TSPYL5: variants seen among roughly 807,000 people sequenced by gnomAD.
TSPYL5 encodes the protein testis-specific Y-encoded-like protein 5.
For synonymous variants in TSPYL5, 276 were observed against 236.1 expected, an observed-to-expected ratio of 1.17 and a Z score of -1.55; for missense variants, 556 against 555.5, an observed-to-expected ratio of 1.00 and a Z score of -0.01.
chr8:97,276,806 T>G lies in TSPYL5; in HGVS notation c.1039A>C (p.Asn347His). 1 of 1,614,178 alleles carries G rather than the reference T, an allele frequency of 6.2e-7. No homozygotes were observed. Among genetic ancestry groups the G allele is most frequent in the South Asian group, 1.1e-5 (1 of 91,086 alleles). The change falls in exon 1 of 1, where the codon AAC (asparagine) becomes CAC (histidine). Residue 347 changes from asparagine (N) to histidine (H), a missense_variant. Transcript: ENST00000322128. ...GAAAACCACCCAAAGAAACTACGGT[T>G]GTTTTCTGGGTTTCCCTGGCTTAGG... ...QSLSQGNPENNRSFFGWFSNH... is the reference protein window; with the variant it reads ...QSLSQGNPENHRSFFGWFSNH...
In TSPYL5 at chr8:97,277,835, G is replaced by C. The variant is rs968280885; in HGVS notation, c.10C>G (p.Arg4Gly). ...CGGGAGGACTTTCGACCCCGACTTC[G>C]GCCGCTCATGGTGGCGGCGGAGGCA... MSG[R>G]SRGRKSSRAK... The change falls in exon 1 of 1, where the codon CGA (arginine) becomes GGA (glycine). Residue 4 changes from arginine to glycine, a missense_variant. Coordinates refer to ENST00000322128, the MANE Select transcript of TSPYL5 (RefSeq NM_033512.3). This position sits in a 1 kb window ranked among gnomAD's most constrained non-coding sequence, Gnocchi z 4.5. The C allele has an allele frequency of 2.1e-6, 3 of 1,445,822 alleles. No individual in the cohort carries two copies. The highest frequency in any genetic ancestry group is 2.7e-6 in the Non-Finnish European group (3 of 1,102,864). 89.6% of individuals were successfully genotyped at this position (1,445,822 alleles called of 1,614,324 possible). A position where few individuals can be genotyped will look rare whatever the true frequency, so the allele number is the denominator to read the frequency against.
At position 97,277,900 on chromosome 8, in the gene TSPYL5, A is replaced by T. The variant is rs1810562435; in HGVS notation, c.-56T>A. 7.5e-7 allele frequency: 1 copy of T among 1,335,866 alleles called. No individual in the cohort carries two copies. Among genetic ancestry groups the T allele is most frequent in the Non-Finnish European group, 9.6e-7 (1 of 1,044,530 alleles). 82.8% of individuals were successfully genotyped at this position (1,335,866 alleles called of 1,614,324 possible). On this transcript the variant is annotated 5_prime_UTR_variant, in exon 1 of 1. Coordinates refer to ENST00000322128, the MANE Select transcript of TSPYL5 (RefSeq NM_033512.3). The surrounding 1 kb of genome is among the most constrained non-coding windows in gnomAD (Gnocchi z 4.5). ...CTGTGACCCTGCGGCTCCTGACGCC[A>T]GCTCTCGGTCGGGACCGAGCGGGTC...
At position 97,277,411 on chromosome 8, in the gene TSPYL5, G is replaced by T. The variant is rs769996067; in HGVS notation, c.434C>A (p.Ala145Asp). 1.3e-6 allele frequency: 2 copies of T among 1,571,062 alleles called. No homozygotes were observed. The highest frequency in any genetic ancestry group is 1.2e-5 in the South Asian group (1 of 83,318). ...ACAGGTTTCTGGGGCCTTCTTCCCG[G>T]CAGGGCCACGCCGGTTTCCAACGCG... ...APRVGNRRGP[A>D]GKKAPETCST... The change falls in exon 1 of 1, where the codon GCC becomes GAC. Residue 145 changes from alanine (A) to aspartate (D), a missense_variant. Transcript: ENST00000322128. The surrounding 1 kb of genome is among the most constrained non-coding windows in gnomAD (Gnocchi z 4.5).
Position 97,276,294 on chromosome 8 carries a change from G to C in TSPYL5, c.*297C>G. The C allele has an allele frequency of 3.0e-6, 1 of 331,504 alleles. No individual in the cohort carries two copies. The highest frequency in any genetic ancestry group is 8.3e-4 in the Middle Eastern group (1 of 1,200). The allele number at this position is 331,504 out of a possible 1,614,324, so 20.5% of individuals were successfully genotyped here. A position where few individuals can be genotyped will look rare whatever the true frequency, so the allele number is the denominator to read the frequency against. ...GAGTGTCCATGTTAAAGACAAGTAG[G>C]AAAGGCCAGAGCCAAGAACAAGGTC... On this transcript the variant is annotated 3_prime_UTR_variant, in exon 1 of 1. Coordinates refer to ENST00000322128, the MANE Select transcript of TSPYL5 (RefSeq NM_033512.3).
chr8:97,276,588 G>A lies in TSPYL5; in HGVS notation c.*3C>T. The A allele has an allele frequency of 6.2e-7, 1 of 1,611,252 alleles. No homozygotes were observed. Among genetic ancestry groups the A allele is most frequent in the Non-Finnish European group, 8.5e-7 (1 of 1,178,556 alleles). On this transcript the variant is annotated 3_prime_UTR_variant, in exon 1 of 1. Transcript: ENST00000322128. Reference sequence around the variant, plus strand: ...AGGAGGTAGCAGGGAGACTTGTGCAGGATCAGTTGGATTGGCTCACCCCAG... The same window carrying A: ...AGGAGGTAGCAGGGAGACTTGTGCAAGATCAGTTGGATTGGCTCACCCCAG...
In TSPYL5 at chr8:97,275,943, A is replaced by G. The variant is rs1041878862; in HGVS notation, c.*648T>C. On this transcript the variant is annotated 3_prime_UTR_variant, in exon 1 of 1. Coordinates refer to ENST00000322128, the MANE Select transcript of TSPYL5 (RefSeq NM_033512.3). ...AGAGACACATGATGGTACAGAACAC[A>G]TGGCATACTGTTTCTTGCCCTTAAC... 1 of 152,864 alleles carries G rather than the reference A, an allele frequency of 6.5e-6. No individual in the cohort carries two copies. Among genetic ancestry groups the G allele is most frequent in the African/African-American group, 2.4e-5 (1 of 41,458 alleles). 9.5% of individuals were successfully genotyped at this position (152,864 alleles called of 1,614,324 possible). A position where few individuals can be genotyped will look rare whatever the true frequency, so the allele number is the denominator to read the frequency against.
rs1241897792 is a variant in TSPYL5, at chr8:97,277,192, T to A, written c.653A>T (p.Gln218Leu). ...GAGCCGAAGGTAGGCCCTGTCCGCCTGGGCGTTCATGTTCTCCAGCTTCAG... is the reference window on the plus strand; with the variant it reads ...GAGCCGAAGGTAGGCCCTGTCCGCCAGGGCGTTCATGTTCTCCAGCTTCAG... ...VQLKLENMNAQADRAYLRLSR... is the reference protein window; with the variant it reads ...VQLKLENMNALADRAYLRLSR... Residue 218 changes from glutamine (Q) to leucine (L), a missense_variant, in exon 1 of 1, where the codon CAG (glutamine) becomes CTG (leucine). Coordinates refer to ENST00000322128, the MANE Select transcript of TSPYL5 (RefSeq NM_033512.3). The surrounding 1 kb of genome is among the most constrained non-coding windows in gnomAD (Gnocchi z 4.5). 2 of 1,612,738 alleles carry A rather than the reference T, an allele frequency of 1.2e-6. No individual in the cohort carries two copies. Among genetic ancestry groups the A allele is most frequent in the Non-Finnish European group, 1.7e-6 (2 of 1,180,044 alleles).
rs200781308 is a variant in TSPYL5 at position 97,277,629 on chromosome 8, C to A, written c.216G>T (p.Arg72=). 1.1e-3 allele frequency: 1,575 copies of A among 1,447,300 alleles called. 18 individuals carry two copies. The East Asian group carries it at 0.021, about 20-fold the overall frequency. 89.7% of individuals were successfully genotyped at this position (1,447,300 alleles called of 1,614,324 possible). The change falls in exon 1 of 1, where the codon CGG becomes CGT. Residue 72 remains arginine (R), a synonymous_variant. Transcript: ENST00000322128. This position sits in a 1 kb window ranked among gnomAD's most constrained non-coding sequence, Gnocchi z 4.5. ...GCCGGCAGGCGGCCTCCTCCCCGAG[C>A]CGGAGGAGCTGCGCGGACGCAGCGG... is the stretch of plus-strand genomic sequence containing the variant. ...LEAAASAQLL[R]LGEEAACRLP...
In TSPYL5 at chr8:97,276,301, C is replaced by A; in HGVS notation, c.*290G>T. On this transcript the variant is annotated 3_prime_UTR_variant, in exon 1 of 1. Transcript: ENST00000322128. Reference sequence around the variant, plus strand: ...CATGTTAAAGACAAGTAGGAAAGGCCAGAGCCAAGAACAAGGTCCAGGCAA... The same window carrying A: ...CATGTTAAAGACAAGTAGGAAAGGCAAGAGCCAAGAACAAGGTCCAGGCAA... The A allele has an allele frequency of 2.8e-6, 1 of 351,952 alleles. No individual in the cohort carries two copies. Among genetic ancestry groups the A allele is most frequent in the East Asian group, 5.1e-5 (1 of 19,562 alleles). 21.8% of individuals were successfully genotyped at this position (351,952 alleles called of 1,614,324 possible). A position where few individuals can be genotyped will look rare whatever the true frequency, so the allele number is the denominator to read the frequency against.
Position 97,276,921 on chromosome 8 carries a change from C to G in TSPYL5, c.924G>C (p.Val308=). 6.2e-7 allele frequency: 1 copy of G among 1,614,184 alleles called. No individual in the cohort carries two copies. Among genetic ancestry groups the G allele is most frequent in the Non-Finnish European group, 8.5e-7 (1 of 1,180,040 alleles). ...FDRNPYFQNK[V]LIKEYGCGPS... The stretch of plus-strand genomic sequence containing the variant: ...GACCACACCCATATTCCTTGATGAG[C>G]ACCTTATTTTGGAAATACGGGTTGC... Residue 308 remains valine (V), a synonymous_variant, in exon 1 of 1, where the codon GTG becomes GTC. Transcript: ENST00000322128.
In TSPYL5 at chr8:97,277,499, G is replaced by A. The variant is rs1810547095; in HGVS notation, c.346C>T (p.Leu116=). The change falls in exon 1 of 1, where the codon CTG becomes TTG. Residue 116 remains leucine (L), a synonymous_variant. Coordinates refer to ENST00000322128, the MANE Select transcript of TSPYL5 (RefSeq NM_033512.3). The surrounding 1 kb of genome is among the most constrained non-coding windows in gnomAD (Gnocchi z 4.5). ...PGKAASLSER[L]AADTVFVGTA... ...CCCACGAAGACAGTGTCTGCGGCCA[G>A]GCGCTCCGAGAGAGATGCGGCCTTC... 6 of 1,520,378 alleles carry A rather than the reference G, an allele frequency of 3.9e-6. No individual in the cohort carries two copies. Among genetic ancestry groups the A allele is most frequent in the East Asian group, 2.3e-5 (1 of 43,832 alleles). The allele number at this position is 1,520,378 out of a possible 1,614,324, so 94.2% of individuals were successfully genotyped here.
Position 97,277,199 on chromosome 8 carries a change from T to TCATGTTCTCCAGCTTCAGCTG in TSPYL5, c.625_645dup (p.Gln209_Met215dup). The TCATGTTCTCCAGCTTCAGCTG allele has an allele frequency of 6.2e-7, 1 of 1,612,812 alleles. No homozygotes were observed. Among genetic ancestry groups the TCATGTTCTCCAGCTTCAGCTG allele is most frequent in the East Asian group, 2.2e-5 (1 of 44,792 alleles). On this transcript the variant is annotated inframe_insertion, in exon 1 of 1. Transcript: ENST00000322128. The surrounding 1 kb of genome is among the most constrained non-coding windows in gnomAD (Gnocchi z 4.5). ...AGGTAGGCCCTGTCCGCCTGGGCGT[T>TCATGTTCTCCAGCTTCAGCTG]CATGTTCTCCAGCTTCAGCTGCACG...
rs1810496560 is a variant in TSPYL5, at chr8:97,275,387, G to A, written c.*1204C>T. 6.6e-6 allele frequency: 1 copy of A among 152,122 alleles called. No homozygotes were observed. The highest frequency in any genetic ancestry group is 1.5e-5 in the Non-Finnish European group (1 of 68,022). The allele number at this position is 152,122 out of a possible 1,614,324, so 9.4% of individuals were successfully genotyped here. ...GAATAAGGAAAGAAGGAAGGGGAAGGCAGAAGGGGAGGAAAGGAGGCTACC... is the reference window on the plus strand; with the variant it reads ...GAATAAGGAAAGAAGGAAGGGGAAGACAGAAGGGGAGGAAAGGAGGCTACC... On this transcript the variant is annotated 3_prime_UTR_variant, in exon 1 of 1. Transcript: ENST00000322128.
Position 97,276,643 on chromosome 8 carries a change from G to A in TSPYL5, c.1202C>T (p.Pro401Leu), listed in dbSNP as rs749527627. ...KGKEKEGRQG[P>L]GKQPMETTQP... ...AGTAGTCTCCATTGGCTGCTTTCCT[G>A]GACCTTGCCTGCCTTCTTTTTCCTT... Residue 401 changes from proline (P) to leucine (L), a missense_variant, in exon 1 of 1, where the codon CCA becomes CTA. By Grantham distance (98) the Pro-to-Leu change is moderately conservative (BLOSUM62 -3). Coordinates refer to ENST00000322128, the MANE Select transcript of TSPYL5 (RefSeq NM_033512.3). The A allele has an allele frequency of 2.5e-6, 4 of 1,613,978 alleles. No homozygotes were observed. Among genetic ancestry groups the A allele is most frequent in the South Asian group, 2.2e-5 (2 of 91,084 alleles).
Position 97,276,814 on chromosome 8 carries a change from G to C in TSPYL5, c.1031C>G (p.Pro344Arg), listed in dbSNP as rs1399175163. 1 of 1,614,180 alleles carries C rather than the reference G, an allele frequency of 6.2e-7. No homozygotes were observed. Among genetic ancestry groups the C allele is most frequent in the Admixed American group, 1.7e-5 (1 of 60,032 alleles). The change falls in exon 1 of 1, where the codon CCA (proline) becomes CGA (arginine). Residue 344 changes from proline (P) to arginine (R), a missense_variant. Pro to Arg is a moderately radical substitution (Grantham distance 103, BLOSUM62 -2). Coordinates refer to ENST00000322128, the MANE Select transcript of TSPYL5 (RefSeq NM_033512.3). ...HDLQSLSQGN[P>R]ENNRSFFGWF... ...CCCAAAGAAACTACGGTTGTTTTCT[G>C]GGTTTCCCTGGCTTAGGGACTGGAG...
Position 97,277,101 on chromosome 8 carries a change from G to C in TSPYL5, c.744C>G (p.Ile248Met). 1 of 1,611,818 alleles carries C rather than the reference G, an allele frequency of 6.2e-7. No homozygotes were observed. Among genetic ancestry groups the C allele is most frequent in the Non-Finnish European group, 8.5e-7 (1 of 1,180,000 alleles). Residue 248 changes from isoleucine to methionine, a missense_variant, in exon 1 of 1, where the codon ATC (isoleucine) becomes ATG (methionine). Physicochemically the swap from Ile to Met is conservative, Grantham distance 10 (BLOSUM62 1). Coordinates refer to ENST00000322128, the MANE Select transcript of TSPYL5 (RefSeq NM_033512.3). The surrounding 1 kb of genome is among the most constrained non-coding windows in gnomAD (Gnocchi z 4.5). ...LERRNHLIQN[I>M]PGFWGQAFQN... ...GAAATGCTTGCCCCCAGAAGCCCGG[G>C]ATATTTTGGATGAGGTGGTTCCTGC... is the stretch of plus-strand genomic sequence containing the variant.
Position 97,275,481 on chromosome 8 carries a change from G to T in TSPYL5, c.*1110C>A, listed in dbSNP as rs900320538. 6.6e-6 allele frequency: 1 copy of T among 152,094 alleles called. No individual in the cohort carries two copies. The highest frequency in any genetic ancestry group is 2.4e-5 in the African/African-American group (1 of 41,404). The allele number at this position is 152,094 out of a possible 1,614,324, so 9.4% of individuals were successfully genotyped here. A position where few individuals can be genotyped will look rare whatever the true frequency, so the allele number is the denominator to read the frequency against. ...GGATGAAGGCAGGCAAGCAAAATAA[G>T]AAGTATAAGTGACCTGAAGTCAAGC... On this transcript the variant is annotated 3_prime_UTR_variant, in exon 1 of 1. Coordinates refer to ENST00000322128, the MANE Select transcript of TSPYL5 (RefSeq NM_033512.3).
rs563465963 is a variant in TSPYL5 at position 97,275,637 on chromosome 8, C to G, written c.*954G>C. ...TCTATATAGGCCCAGTCCTCACCCT[C>G]ACCTGGAGCCACAGCATAATGACAG... is the stretch of plus-strand genomic sequence containing the variant. On this transcript the variant is annotated 3_prime_UTR_variant, in exon 1 of 1. Transcript: ENST00000322128. 1.3e-5 allele frequency: 2 copies of G among 152,238 alleles called. No individual in the cohort carries two copies. Among genetic ancestry groups the G allele is most frequent in the Non-Finnish European group, 2.9e-5 (2 of 68,122 alleles). 9.4% of individuals were successfully genotyped at this position (152,238 alleles called of 1,614,324 possible). A position where few individuals can be genotyped will look rare whatever the true frequency, so the allele number is the denominator to read the frequency against.
In TSPYL5 at chr8:97,277,550, G is replaced by C. The variant is rs1407415356; in HGVS notation, c.295C>G (p.Gln99Glu). 1 of 1,477,282 alleles carries C rather than the reference G, an allele frequency of 6.8e-7. No homozygotes were observed. The highest frequency in any genetic ancestry group is 8.9e-7 in the Non-Finnish European group (1 of 1,117,914). 91.5% of individuals were successfully genotyped at this position (1,477,282 alleles called of 1,614,324 possible). A position where few individuals can be genotyped will look rare whatever the true frequency, so the allele number is the denominator to read the frequency against. ...CCCGGGCCGGGCCTGGCCGCGGCCT[G>C]CCCGTGGTCCCCCGCAGCTCGGGCC... ...LRARAAGDHGQAAARPGPGKA... is the reference protein window; with the variant it reads ...LRARAAGDHGEAAARPGPGKA... Residue 99 changes from glutamine to glutamate, a missense_variant, in exon 1 of 1, where the codon CAG (glutamine) becomes GAG (glutamate). Gln to Glu is a conservative substitution (Grantham distance 29). Transcript: ENST00000322128. The surrounding 1 kb of genome is among the most constrained non-coding windows in gnomAD (Gnocchi z 4.5).
Sources: allele counts gnomAD v4.1 joint callset, GRCh38; gene constraint gnomAD v4.1.1; non-coding constraint Gnocchi (gnomAD v3.1); transcripts MANE v1.5; gene names NCBI Gene and HGNC (gene_info 2026-07-23, HGNC 2026-07-21).